Variants in ADHFE1 observed in about 807,000 individuals in gnomAD.
ADHFE1 encodes the protein hydroxyacid-oxoacid transhydrogenase, mitochondrial.
A neutral mutation model predicts 54.8 loss-of-function variants in ADHFE1; 37 were observed. The observed-to-expected ratio is 0.68, with a 90% CI of 0.52 to 0.89. The LOEUF is 0.89. ADHFE1 is among the 40% of genes least tolerant of loss of function. The pLI, the probability that ADHFE1 is intolerant of heterozygous loss-of-function variation, is 0.00. For synonymous variants in ADHFE1, 203 were observed against 229.3 expected, an observed-to-expected ratio of 0.89 and a Z score of 1.04; for missense variants, 601 against 591.2, an observed-to-expected ratio of 1.02 and a Z score of -0.17.
At position 66,452,203 on chromosome 8, in the gene ADHFE1, T is replaced by A. The variant is rs1269974825; in HGVS notation, c.887+98T>A. ...CTGAGCCTGAAATATCCTGAGCAGGTCTGTTCCAGAAAAGCAGTCAGTGGA... is the reference window on the plus strand; with the variant it reads ...CTGAGCCTGAAATATCCTGAGCAGGACTGTTCCAGAAAAGCAGTCAGTGGA... On this transcript the variant is annotated intron_variant, in intron 9 of 13. Coordinates refer to ENST00000396623, the MANE Select transcript of ADHFE1 (RefSeq NM_144650.3). 40 of 1,468,440 alleles carry A rather than the reference T, an allele frequency of 2.7e-5. No individual in the cohort carries two copies. In the Admixed American group the frequency reaches 8.2e-4, roughly 30 times the overall value. 91.0% of individuals were successfully genotyped at this position (1,468,440 alleles called of 1,614,324 possible).
rs760183052 is a variant in ADHFE1 at position 66,454,019 on chromosome 8, A to G, written c.888-40A>G. ...GCTCCTTATTCTGTAGGAATTGCCAATGTTGATGTGTTATTGTTAGGTATT... is the reference window on the plus strand; with the variant it reads ...GCTCCTTATTCTGTAGGAATTGCCAGTGTTGATGTGTTATTGTTAGGTATT... On this transcript the variant is annotated intron_variant, in intron 9 of 13. Transcript: ENST00000396623. 7 of 1,605,670 alleles carry G rather than the reference A, an allele frequency of 4.4e-6. No homozygotes were observed. The Admixed American group carries it at 5.1e-5, about 12-fold the overall frequency.
At chr8:66,433,186 C>T (rs1267372956) in intron 1 of ADHFE1, among the ~76,000 whole-genome samples, 2 of 152,196 alleles carry the variant, frequency 1.3e-5, no homozygotes, top group South Asian at 2.1e-4. Flanking sequence ...TAAATACTTG[C>T]TGACTGTGCA....
Position 66,444,753 on chromosome 8 carries a change from T to C in ADHFE1, c.353+5T>C. 1 of 1,613,716 alleles carries C rather than the reference T, an allele frequency of 6.2e-7. No individual in the cohort carries two copies. The highest frequency in any genetic ancestry group is 1.1e-5 in the South Asian group (1 of 90,874). ...AGTGGAACCAACGGATTCAAGGTATTCTTGTATTGTTGTTATTGTTTCTTT... is the reference window on the plus strand; with the variant it reads ...AGTGGAACCAACGGATTCAAGGTATCCTTGTATTGTTGTTATTGTTTCTTT... On this transcript the variant is annotated splice_donor_5th_base_variant and intron_variant, in intron 5 of 13. Coordinates refer to ENST00000396623, the MANE Select transcript of ADHFE1 (RefSeq NM_144650.3).
intron 1 of ADHFE1, among the ~76,000 whole-genome samples, chr8:66,435,648 T>TC (rs1245188965): frequency 7.0e-6 from 1 of 143,514 alleles, no homozygotes. Context: ...AGTCTTGCTG[T>TC]CACTTAGGCT....
rs1586436701 is a variant in ADHFE1, at chr8:66,439,047, C to T, written c.60-1115C>T. On this transcript the variant is annotated intron_variant, in intron 1 of 13. Transcript: ENST00000396623. The surrounding 1 kb of genome is among the most constrained non-coding windows in gnomAD (Gnocchi z 4.4). ...CCCACCGTGAAGGGACAAGCCTGGC[C>T]TGGCCCGCGTCCTCTCCCCCGGCGC... 6.6e-6 allele frequency among the ~76,000 whole-genome samples: 1 copy of T among 151,758 alleles called. No individual in the cohort carries two copies. Among genetic ancestry groups the T allele is most frequent in the African/African-American group, 2.4e-5 (1 of 41,396 alleles).
intron 3 of ADHFE1, among the ~76,000 whole-genome samples, chr8:66,444,054 G>C (rs1805903106): frequency 6.6e-6 from 1 of 152,218 alleles, no homozygotes; most frequent in Non-Finnish European, 1.5e-5. Context: ...TGAATGGAAA[G>C]TAAGACATTT....
At chr8:66,437,408 G>A (rs988019086) in intron 1 of ADHFE1, among the ~76,000 whole-genome samples, 11 of 152,080 alleles carry the variant, frequency 7.2e-5, no homozygotes, top group Non-Finnish European at 1.5e-4. Flanking sequence ...GCCAGAATAA[G>A]GGGGCCAGAG....
chr8:66,445,551 G>C, intron 6 of ADHFE1, 137 bp downstream of exon 6: 2 of 813,560 alleles, frequency 2.5e-6, no homozygotes, highest in Non-Finnish European at 3.7e-6. Flanking sequence ...GCCTTGTTTG[G>C]AGAACAATCA....
chr8:66,433,438 G>A (rs1324274153), intron 1 of ADHFE1, among the ~76,000 whole-genome samples: 1 of 152,182 alleles, frequency 6.6e-6, no homozygotes, highest in Non-Finnish European at 1.5e-5. Flanking sequence ...GAGCCCGGCA[G>A]TGTCTTACAC....
At chr8:66,467,937 G>A (rs1210095883) in intron 13 of ADHFE1, among the ~76,000 whole-genome samples, 10 of 152,174 alleles carry the variant, frequency 6.6e-5, no homozygotes, top group Non-Finnish European at 1.5e-4. Context: ...TCAGAGCTCT[G>A]TGTGTACAGA....
At position 66,432,584 on chromosome 8, in the gene ADHFE1, G is replaced by T; in HGVS notation, c.59+9G>T. Reference sequence around the variant, plus strand: ...CAACTGCAACGCGCAGCGTGAGTGCGGGGCCGGCGGGCGGGCAGGGGACCG... The same window carrying T: ...CAACTGCAACGCGCAGCGTGAGTGCTGGGCCGGCGGGCGGGCAGGGGACCG... On this transcript the variant is annotated intron_variant, in intron 1 of 13. Coordinates refer to ENST00000396623, the MANE Select transcript of ADHFE1 (RefSeq NM_144650.3). The T allele has an allele frequency of 7.6e-7, 1 of 1,311,762 alleles. No individual in the cohort carries two copies. 81.3% of individuals were successfully genotyped at this position (1,311,762 alleles called of 1,614,324 possible). A position where few individuals can be genotyped will look rare whatever the true frequency, so the allele number is the denominator to read the frequency against.
chr8:66,441,921 G>A (rs7005590), intron 2 of ADHFE1, among the ~76,000 whole-genome samples: 47,407 of 150,132 alleles, frequency 0.32, 7,935 homozygotes, highest in South Asian at 0.44. Context: ...GCAGTGAGCC[G>A]AGATCCCACC....
chr8:66,441,204 A>G (rs1805727619), intron 2 of ADHFE1, among the ~76,000 whole-genome samples: 1 of 152,214 alleles, frequency 6.6e-6, no homozygotes, highest in African/African-American at 2.4e-5. Context: ...GATCATATTT[A>G]TGTCTTTAAA....
chr8:66,451,247 A>C (rs1806283964), intron 8 of ADHFE1, among the ~76,000 whole-genome samples: 1 of 152,256 alleles, frequency 6.6e-6, no homozygotes, highest in Non-Finnish European at 1.5e-5. Flanking sequence ...TTTACGGTAC[A>C]TAAGAGAAAA....
intron 8 of ADHFE1, among the ~76,000 whole-genome samples, chr8:66,449,450 A>G (rs1806191329): frequency 6.6e-6 from 1 of 152,226 alleles, no homozygotes; most frequent in Admixed American, 6.5e-5. Context: ...CCCCCAGACC[A>G]TGCACATTGT....
At chr8:66,460,286 G>T (rs1473092548) in intron 12 of ADHFE1, 22 bp from the exon 13 acceptor site, 3 of 1,613,328 alleles carry the variant, frequency 1.9e-6, no homozygotes, top group African/African-American at 1.3e-5. Flanking sequence ...TCTCCCTACA[G>T]TCAGCACTTT....
chr8:66,453,515 C>T (rs1310557157), intron 9 of ADHFE1, among the ~76,000 whole-genome samples: 1 of 152,190 alleles, frequency 6.6e-6, no homozygotes, highest in African/African-American at 2.4e-5. Context: ...CAAAGTGGCA[C>T]TGGGGACACC....
At chr8:66,446,182 G>A (rs1417086702) in intron 6 of ADHFE1, among the ~76,000 whole-genome samples, 2 of 152,208 alleles carry the variant, frequency 1.3e-5, no homozygotes, top group Admixed American at 6.5e-5. Flanking sequence ...CTGCTGTGTT[G>A]TGAATGAGGG....
In ADHFE1 at chr8:66,439,285, G is replaced by A; in HGVS notation, c.60-877G>A. 1 of 985,448 alleles carries A rather than the reference G, an allele frequency of 1.0e-6. No homozygotes were observed. The highest frequency in any genetic ancestry group is 1.2e-6 in the Non-Finnish European group (1 of 829,968). The allele number at this position is 985,448 out of a possible 1,614,324, so 61.0% of individuals were successfully genotyped here. A position where few individuals can be genotyped will look rare whatever the true frequency, so the allele number is the denominator to read the frequency against. On this transcript the variant is annotated intron_variant, in intron 1 of 13. Transcript: ENST00000396623. This position sits in a 1 kb window ranked among gnomAD's most constrained non-coding sequence, Gnocchi z 4.4. ...GAAGTGATGCACTCAAGTATCTACC[G>A]AGACCCAACCACTGGACAAGGTCTT...
Sources: allele counts gnomAD v4.1 joint callset (sites outside exome capture counted in the v4.1 genomes callset), GRCh38; gene constraint gnomAD v4.1.1; non-coding constraint Gnocchi (gnomAD v3.1); transcripts MANE v1.5; gene names NCBI Gene and HGNC (gene_info 2026-07-23, HGNC 2026-07-21).